The following ANKS1B variants were observed in gnomAD, a reference collection of about 807,000 sequenced individuals.
ANKS1B encodes ankyrin repeat and sterile alpha motif domain containing 1B.
ANKS1B carries 36 observed loss-of-function variants against 148.3 expected under a neutral mutation model. That is an observed-to-expected ratio of 0.24 (90% CI 0.19 to 0.32). The LOEUF (loss-of-function observed/expected upper bound fraction) is 0.32. Ranked by LOEUF, ANKS1B falls within the 10% of genes least tolerant of loss-of-function variation. ANKS1B has a pLI of 1.00. For synonymous variants in ANKS1B, 542 were observed against 560.8 expected, an observed-to-expected ratio of 0.97 and a Z score of 0.47; for missense variants, 1,157 against 1,542.6, an observed-to-expected ratio of 0.75 and a Z score of 4.19.
intron 11 of ANKS1B, among the ~76,000 whole-genome samples, chr12:99,417,416 T>G (rs895736143): frequency 6.6e-6 from 1 of 152,232 alleles, no homozygotes; most frequent in Non-Finnish European, 1.5e-5. Context: ...TGTCTATCCC[T>G]TCACTGATAA....
intron 14 of ANKS1B, among the ~76,000 whole-genome samples, chr12:99,160,520 T>G (rs1601266607): frequency 8.4e-6 from 1 of 118,706 alleles, no homozygotes; most frequent in Non-Finnish European, 1.8e-5. Flanking sequence ...TTTTTTTTTT[T>G]TGTATTTTTA....
chr12:99,239,979 A>G (rs563443527), intron 14 of ANKS1B, among the ~76,000 whole-genome samples: 1 of 152,334 alleles, frequency 6.6e-6, no homozygotes, highest in Admixed American at 6.5e-5. Flanking sequence ...AATTGTAAAG[A>G]CCATCAACGC....
At position 98,959,865 on chromosome 12, in the gene ANKS1B, G is replaced by T. The variant is rs150967838; in HGVS notation, c.2778+93292C>A. Among the ~76,000 whole-genome samples the T allele has an allele frequency of 2.0e-5, 3 of 152,334 alleles. No individual in the cohort carries two copies. The East Asian group carries it at 5.8e-4, about 29-fold the overall frequency. The stretch of plus-strand genomic sequence containing the variant: ...AGGAAGTACTCACCATGGACCTAGG[G>T]TAGTGGTGATCACAGGGAGAGACTC... On this transcript the variant is annotated intron_variant, in intron 17 of 26. Transcript: ENST00000683438.
Position 99,655,189 on chromosome 12 carries a change from A to C in ANKS1B, c.1150T>G (p.Leu384Val). The C allele has an allele frequency of 6.2e-7, 1 of 1,610,728 alleles. No homozygotes were observed. Residue 384 changes from leucine to valine, a missense_variant, in exon 9 of 27, where the codon TTG (leucine) becomes GTG (valine). Physicochemically the swap from Leu to Val is conservative, Grantham distance 32. Transcript: ENST00000683438. ...TCTTCTTCCACTTCTCCTGGTGACA[A>C]ATTGATTGTAGATGAGGTTCTCTGA... The part of the protein sequence containing the change: ...QSVRTSSTIN[L>V]SPGEVEEEDD...
chr12:99,453,094 T>C (rs1387878231), intron 10 of ANKS1B, among the ~76,000 whole-genome samples: 2 of 152,000 alleles, frequency 1.3e-5, no homozygotes, highest in East Asian at 1.9e-4. Flanking sequence ...ATCGAGACCA[T>C]CCTGGCTAAC....
chr12:98,761,871 G>T (rs1270011933), intron 25 of ANKS1B, among the ~76,000 whole-genome samples: 1 of 152,216 alleles, frequency 6.6e-6, no homozygotes, highest in African/African-American at 2.4e-5. Context: ...CCCAGGCTGG[G>T]AGGCTGCTCT....
chr12:99,403,896 C>G (rs560632928), intron 11 of ANKS1B, among the ~76,000 whole-genome samples: 2 of 146,176 alleles, frequency 1.4e-5, no homozygotes, highest in African/African-American at 5.2e-5. Flanking sequence ...CAGCACTATT[C>G]ACAACGGCAA....
chr12:99,789,841 A>G (rs1359962738), intron 4 of ANKS1B, among the ~76,000 whole-genome samples: 2 of 152,184 alleles, frequency 1.3e-5, no homozygotes, highest in Non-Finnish European at 2.9e-5. Context: ...AATAAAAAGC[A>G]ATGAAACCTG....
At chr12:99,703,474 T>A (rs932349096) in intron 8 of ANKS1B, among the ~76,000 whole-genome samples, 1 of 152,146 alleles carries the variant, frequency 6.6e-6, no homozygotes, top group Non-Finnish European at 1.5e-5. Context: ...TATGGTTATC[T>A]CCTTTCTTTA....
chr12:99,715,802 T>G (rs779280908), intron 8 of ANKS1B, among the ~76,000 whole-genome samples: 29 of 152,112 alleles, frequency 1.9e-4, no homozygotes, highest in Non-Finnish European at 3.2e-4. Context: ...CTCAACCACT[T>G]TCTCTTTTCA....
At chr12:99,228,990 CTTT>C (rs2086402433) in intron 14 of ANKS1B, among the ~76,000 whole-genome samples, 1 of 151,734 alleles carries the variant, frequency 6.6e-6, no homozygotes, top group Non-Finnish European at 1.5e-5. Flanking sequence ...GGATATACTT[CTTT>C]ATTAAATAAT....
chr12:99,523,055 T>C (rs1055333078), intron 9 of ANKS1B, among the ~76,000 whole-genome samples: 1 of 152,210 alleles, frequency 6.6e-6, no homozygotes, highest in African/African-American at 2.4e-5. Context: ...TTAGGTGGCC[T>C]AGAGGCTTTT....
chr12:99,010,295 G>T (rs1049182883), intron 17 of ANKS1B, among the ~76,000 whole-genome samples: 1 of 152,168 alleles, frequency 6.6e-6, no homozygotes, highest in Non-Finnish European at 1.5e-5. Flanking sequence ...AGTAATATTG[G>T]TCCCTGCCTC....
intron 17 of ANKS1B, among the ~76,000 whole-genome samples, chr12:99,033,328 G>T (rs927387503): frequency 2.0e-5 from 3 of 152,166 alleles, no homozygotes; most frequent in African/African-American, 7.2e-5. Flanking sequence ...TGTGTAAGTA[G>T]TTGCAGTACA....
chr12:99,804,042 T>C (rs983637928), intron 4 of ANKS1B, among the ~76,000 whole-genome samples: 2 of 152,208 alleles, frequency 1.3e-5, no homozygotes, highest in African/African-American at 4.8e-5. Flanking sequence ...TATACATTTA[T>C]AAAATTGAAT....
intron 1 of ANKS1B, among the ~76,000 whole-genome samples, chr12:99,869,010 T>C (rs1307472917): frequency 3.3e-5 from 5 of 152,000 alleles, no homozygotes; most frequent in Admixed American, 2.0e-4. Context: ...CGAGTGGAGA[T>C]TGCGCCACTG....
At chr12:99,077,645 T>C (rs1355774824) in intron 16 of ANKS1B, among the ~76,000 whole-genome samples, 1 of 152,206 alleles carries the variant, frequency 6.6e-6, no homozygotes, top group Non-Finnish European at 1.5e-5. Context: ...CCATCAAGCC[T>C]AGAATCAATA....
At chr12:98,933,074 G>T (rs889477595) in intron 17 of ANKS1B, among the ~76,000 whole-genome samples, 5 of 152,230 alleles carry the variant, frequency 3.3e-5, no homozygotes, top group Non-Finnish European at 5.9e-5. Flanking sequence ...GACCTCTAGA[G>T]CATATTTATC....
chr12:98,748,546 C>T (rs964966097), intron 26 of ANKS1B, among the ~76,000 whole-genome samples: 1 of 152,174 alleles, frequency 6.6e-6, no homozygotes, highest in Admixed American at 6.5e-5. Context: ...ATTTCTCTGG[C>T]ACCATGAGCT....
Sources: gnomAD v4.1 joint callset for allele counts (sites outside exome capture counted in the v4.1 genomes callset) on GRCh38, gnomAD v4.1.1 for gene constraint, MANE v1.5 for transcripts, NCBI Gene and HGNC (gene_info 2026-07-23, HGNC 2026-07-21) for gene names.